Variants in TNS3 observed in about 807,000 individuals in gnomAD.
The protein encoded by TNS3 is tensin 3, also known as tensin-3.
TNS3 carries 45 observed loss-of-function variants against 140.9 expected under a neutral mutation model. The observed-to-expected ratio is 0.32, with a 90% CI of 0.25 to 0.41. The LOEUF (loss-of-function observed/expected upper bound fraction) is 0.41, where lower values mean the gene tolerates loss of function less well. Ranked by LOEUF, TNS3 falls within the 10% of genes least tolerant of loss-of-function variation. The probability of loss-of-function intolerance (pLI) is 1.00; values close to 1 mark genes in which losing one functional copy is unlikely to be tolerated. For synonymous variants in TNS3, 815 were observed against 788.4 expected, an observed-to-expected ratio of 1.03 and a Z score of -0.56; for missense variants, 1,716 against 1,906.7, an observed-to-expected ratio of 0.90 and a Z score of 1.86.
At chr7:47,469,775 A>G (rs998379199) in intron 4 of TNS3, among the ~76,000 whole-genome samples, 2 of 152,132 alleles carry the variant, frequency 1.3e-5, no homozygotes, top group African/African-American at 4.8e-5. Context: ...GGAGTTCGAG[A>G]CCAGCCTGAC....
At chr7:47,361,640 C>G (rs1790343067) in intron 17 of TNS3, among the ~76,000 whole-genome samples, 1 of 152,194 alleles carries the variant, frequency 6.6e-6, no homozygotes, top group Non-Finnish European at 1.5e-5. Flanking sequence ...GGGTTTAGCA[C>G]ACAATTTAAA....
chr7:47,581,160 C>T (rs1301357784), intron 1 of TNS3, among the ~76,000 whole-genome samples: 1 of 152,032 alleles, frequency 6.6e-6, no homozygotes, highest in Non-Finnish European at 1.5e-5. Flanking sequence ...CAAATCACTC[C>T]AAGCAAAGGA....
At chr7:47,578,475 C>T (rs541122421) in intron 1 of TNS3, among the ~76,000 whole-genome samples, 3 of 151,718 alleles carry the variant, frequency 2.0e-5, no homozygotes, top group Non-Finnish European at 4.4e-5. Context: ...CCTCCTGTTT[C>T]GCAGAGGCAA....
At chr7:47,441,382 T>C (rs999468986) in intron 5 of TNS3, among the ~76,000 whole-genome samples, 3 of 152,120 alleles carry the variant, frequency 2.0e-5, no homozygotes, top group Admixed American at 2.0e-4. Flanking sequence ...TTCACTGTGT[T>C]GGCCAGGATG....
At position 47,439,529 on chromosome 7, in the gene TNS3, C is replaced by A. The variant is rs762167991; in HGVS notation, c.108G>T (p.Glu36Asp). The A allele has an allele frequency of 9.9e-6, 16 of 1,614,050 alleles. No individual in the cohort carries two copies. The highest frequency in any genetic ancestry group is 1.3e-5 in the African/African-American group (1 of 75,032). Residue 36 changes from glutamate (E) to aspartate (D), a missense_variant, in exon 6 of 31, where the codon GAG (glutamate) becomes GAT (aspartate). Transcript: ENST00000311160. ...SEESYLHNLQ[E>D]VTRMLKSKHG... is the part of the protein sequence containing the mutation. Reference sequence around the variant, plus strand: ...GCTTGGACTTGAGCATGCGCGTGACCTCCTGTAGGTTGTGCAGGTAGGACT... The same window carrying A: ...GCTTGGACTTGAGCATGCGCGTGACATCCTGTAGGTTGTGCAGGTAGGACT...
chr7:47,430,475 A>G (rs1041346596), intron 8 of TNS3, among the ~76,000 whole-genome samples: 6 of 152,086 alleles, frequency 3.9e-5, no homozygotes, highest in African/African-American at 1.4e-4. Flanking sequence ...TAGAAATACC[A>G]CAACCGTACG....
At chr7:47,358,513 G>T (rs995239028) in intron 17 of TNS3, among the ~76,000 whole-genome samples, 4 of 152,106 alleles carry the variant, frequency 2.6e-5, no homozygotes, top group Non-Finnish European at 4.4e-5. Flanking sequence ...CCACCTTCAG[G>T]GCCACATGGG....
chr7:47,316,770 T>A (rs1787437606), intron 20 of TNS3, among the ~76,000 whole-genome samples: 1 of 135,490 alleles, frequency 7.4e-6, no homozygotes, highest in South Asian at 2.3e-4. Flanking sequence ...AGAGCGAGAC[T>A]CCATCTCAAA....
intron 20 of TNS3, among the ~76,000 whole-genome samples, chr7:47,320,610 G>A (rs1787680491): frequency 6.6e-6 from 1 of 152,194 alleles, no homozygotes; most frequent in South Asian, 2.1e-4. Context: ...TTCCCTCTGT[G>A]TGTCTGTGTC....
chr7:47,332,773 A>G (rs74622539), intron 20 of TNS3, among the ~76,000 whole-genome samples: 3 of 152,184 alleles, frequency 2.0e-5, no homozygotes, highest in African/African-American at 4.8e-5. Context: ...GATTTAAAAG[A>G]TGCTTTCAGA....
chr7:47,374,931 C>G (rs1035888456), intron 16 of TNS3, among the ~76,000 whole-genome samples: 1 of 152,148 alleles, frequency 6.6e-6, no homozygotes, highest in Admixed American at 6.5e-5. Flanking sequence ...GGCTTTAAGT[C>G]TCCACTCTGT....
chr7:47,546,244 G>A (rs1799918084), intron 1 of TNS3, among the ~76,000 whole-genome samples: 1 of 152,190 alleles, frequency 6.6e-6, no homozygotes, highest in Non-Finnish European at 1.5e-5. Flanking sequence ...CTAATGAGGC[G>A]CTGAGGCTCA....
chr7:47,439,759 G>T, intron 5 of TNS3, 101 bp from the exon 6 acceptor site: 1 of 1,284,798 alleles, frequency 7.8e-7, no homozygotes, highest in Non-Finnish European at 1.1e-6. Context: ...TCCCCTGGGT[G>T]TTCACATCAG....
intron 1 of TNS3, among the ~76,000 whole-genome samples, chr7:47,551,283 A>G (rs1800054812): frequency 6.6e-6 from 1 of 152,254 alleles, no homozygotes; most frequent in South Asian, 2.1e-4. Flanking sequence ...GAACTGAGCA[A>G]AAGCAGGTGG....
Position 47,280,148 on chromosome 7 carries a change from A to T in TNS3, c.4193+16T>A. On this transcript the variant is annotated intron_variant, in intron 30 of 30. Transcript: ENST00000311160. ...TGCAGACAAGGAGAGAATGTAAAGA[A>T]ATCTCAGCAACTTACTTTGAGGAAG... 1 of 1,614,152 alleles carries T rather than the reference A, an allele frequency of 6.2e-7. No homozygotes were observed. Among genetic ancestry groups the T allele is most frequent in the South Asian group, 1.1e-5 (1 of 91,070 alleles).
At chr7:47,536,553 T>C (rs1799605607) in intron 1 of TNS3, among the ~76,000 whole-genome samples, 1 of 152,206 alleles carries the variant, frequency 6.6e-6, no homozygotes, top group African/African-American at 2.4e-5. Context: ...ACGCGAGGGA[T>C]AGCAGGTCTG....
intron 20 of TNS3, among the ~76,000 whole-genome samples, chr7:47,309,921 C>G (rs1380772871): frequency 6.6e-6 from 1 of 152,242 alleles, no homozygotes; most frequent in Non-Finnish European, 1.5e-5. Flanking sequence ...TGAACCCATT[C>G]AGATCGCCCA....
chr7:47,574,502 A>T (rs1800627500), intron 1 of TNS3, among the ~76,000 whole-genome samples: 1 of 152,146 alleles, frequency 6.6e-6, no homozygotes, highest in African/African-American at 2.4e-5. Flanking sequence ...TCACCAAAAA[A>T]AAAATGGAAA....
chr7:47,415,344 C>T (rs1794021124), intron 10 of TNS3, 138 bp from the exon 11 acceptor site: 2 of 613,286 alleles, frequency 3.3e-6, no homozygotes, highest in Non-Finnish European at 5.6e-6. Flanking sequence ...GCCAGGGGTT[C>T]TCAGCATGGT....
Sources: allele counts gnomAD v4.1 joint callset (sites outside exome capture counted in the v4.1 genomes callset), GRCh38; gene constraint gnomAD v4.1.1; transcripts MANE v1.5; gene names NCBI Gene and HGNC (gene_info 2026-07-23, HGNC 2026-07-21).